RBFOX1: variants seen among roughly 807,000 people sequenced by gnomAD.
The protein encoded by RBFOX1 is RNA binding fox-1 homolog 1.
In RBFOX1, 8 loss-of-function variants were observed where a neutral mutation model predicts 57.7. The ratio of observed to expected loss-of-function variants is 0.14; its 90% CI spans 0.08 to 0.25. The LOEUF (loss-of-function observed/expected upper bound fraction) is 0.25. RBFOX1 is among the 10% of genes least tolerant of loss of function. RBFOX1 has a pLI of 1.00. For missense variants in RBFOX1, 611 were observed against 548.5 expected (o/e 1.11, Z -1.14); for synonymous variants, 326 against 222.4 (o/e 1.47, Z -4.15).
At chr16:7,516,057 C>G (rs929196529) in intron 4 of RBFOX1, among the ~76,000 whole-genome samples, 2 of 152,178 alleles carry the variant, frequency 1.3e-5, no homozygotes, top group Non-Finnish European at 2.9e-5. Flanking sequence ...GTTGCCCAGT[C>G]TGGTCTCGAA....
At chr16:7,262,506 C>G (rs191394372) in intron 4 of RBFOX1, among the ~76,000 whole-genome samples, 19 of 152,362 alleles carry the variant, frequency 1.2e-4, no homozygotes, top group Admixed American at 1.1e-3. Flanking sequence ...AGAGTTATTC[C>G]TACTGCAATG....
chr16:5,979,904 A>G (rs535712672), intron 4 of RBFOX1, among the ~76,000 whole-genome samples: 11 of 152,308 alleles, frequency 7.2e-5, no homozygotes, highest in African/African-American at 1.9e-4. Context: ...GCAAGAGGTT[A>G]AATTGCTTCC....
At chr16:7,233,293 C>T (rs139355639) in intron 4 of RBFOX1, among the ~76,000 whole-genome samples, 3 of 152,082 alleles carry the variant, frequency 2.0e-5, no homozygotes, top group Non-Finnish European at 4.4e-5. Flanking sequence ...TGAAAAGTCA[C>T]CTCTTCAAAG....
intron 2 of RBFOX1, among the ~76,000 whole-genome samples, chr16:5,536,483 G>A (rs2044702508): frequency 6.6e-6 from 1 of 152,054 alleles, no homozygotes; most frequent in Non-Finnish European, 1.5e-5. Context: ...TGATCTGTCT[G>A]CCTTGGCCTC....
intron 1 of RBFOX1, among the ~76,000 whole-genome samples, chr16:6,150,264 A>G (rs2096788301): frequency 6.6e-6 from 1 of 152,144 alleles, no homozygotes; most frequent in African/African-American, 2.4e-5. Context: ...GGATTAACAG[A>G]ATCCCCAGGA....
intron 3 of RBFOX1, among the ~76,000 whole-genome samples, chr16:6,939,838 A>G (rs2078044326): frequency 1.3e-5 from 2 of 152,214 alleles, no homozygotes; most frequent in South Asian, 2.1e-4. Context: ...AGGGTATCAT[A>G]TAGCTGGTGG....
chr16:7,009,570 C>G (rs577293661), intron 3 of RBFOX1, among the ~76,000 whole-genome samples: 1 of 152,036 alleles, frequency 6.6e-6, no homozygotes, highest in Non-Finnish European at 1.5e-5. Context: ...AATGAAAGTG[C>G]AGCAGTAACG....
At chr16:5,859,078 G>T (rs1479862256) in intron 3 of RBFOX1, among the ~76,000 whole-genome samples, 1 of 152,184 alleles carries the variant, frequency 6.6e-6, no homozygotes, top group Non-Finnish European at 1.5e-5. Context: ...GATTGTGGGT[G>T]CCTGTGGTCC....
In RBFOX1 at chr16:7,670,577, T is replaced by C. The variant is rs552491649; in HGVS notation, c.930+5609T>C. Among the ~76,000 whole-genome samples the C allele has an allele frequency of 3.3e-5, 5 of 152,066 alleles. No homozygotes were observed. The South Asian group carries it at 8.3e-4, about 25-fold the overall frequency. The stretch of plus-strand genomic sequence containing the variant: ...CTGAGAATAATATTTGTACTGGAAA[T>C]ATTCAAGTAAGCAGTGAACTAGGAG... On this transcript the variant is annotated intron_variant, in intron 13 of 15. Coordinates refer to ENST00000550418, the MANE Select transcript of RBFOX1 (RefSeq NM_018723.4).
intron 2 of RBFOX1, among the ~76,000 whole-genome samples, chr16:6,364,358 CTCTT>C (rs1019743851): frequency 5.9e-5 from 9 of 152,058 alleles, no homozygotes; most frequent in Non-Finnish European, 8.8e-5. Context: ...TCTCCTCTTC[CTCTT>C]TCTTTCTTTC....
chr16:6,483,998 G>A (rs1597922288), intron 2 of RBFOX1: 1 of 984,160 alleles, frequency 1.0e-6, no homozygotes. Context: ...GGGGTGGTCT[G>A]GACACTTGGA....
At chr16:6,658,774 T>G (rs981494481) in intron 3 of RBFOX1, among the ~76,000 whole-genome samples, 2 of 152,106 alleles carry the variant, frequency 1.3e-5, no homozygotes, top group African/African-American at 4.8e-5. Flanking sequence ...GCCCGCCAAT[T>G]AGCAGAGCCC....
At chr16:7,708,455 C>G (rs892445363) in intron 14 of RBFOX1, among the ~76,000 whole-genome samples, 1 of 152,048 alleles carries the variant, frequency 6.6e-6, no homozygotes, top group African/African-American at 2.4e-5. Context: ...ATTAATGTGA[C>G]AGAAGTTCTG....
chr16:6,958,293 C>G (rs1276031714), intron 3 of RBFOX1, among the ~76,000 whole-genome samples: 1 of 152,142 alleles, frequency 6.6e-6, no homozygotes, highest in African/African-American at 2.4e-5. Context: ...GGCAATTATT[C>G]CAACACACTC....
chr16:5,714,405 A>G (rs2051610472), intron 3 of RBFOX1, among the ~76,000 whole-genome samples: 1 of 152,202 alleles, frequency 6.6e-6, no homozygotes, highest in Admixed American at 6.5e-5. Flanking sequence ...CTGGAAATGG[A>G]TACAGAGAAC....
At chr16:6,601,423 G>C (rs553186619) in intron 2 of RBFOX1, among the ~76,000 whole-genome samples, 1 of 152,126 alleles carries the variant, frequency 6.6e-6, no homozygotes, top group Non-Finnish European at 1.5e-5. Context: ...GACTCCGGGA[G>C]AGTCCTAAAA....
chr16:7,044,924 C>G (rs1391398090), intron 3 of RBFOX1, among the ~76,000 whole-genome samples: 1 of 152,162 alleles, frequency 6.6e-6, no homozygotes, highest in Non-Finnish European at 1.5e-5. Flanking sequence ...TCATTAGTTG[C>G]AGCAATAACT....
chr16:7,378,202 T>C lies in RBFOX1; in HGVS notation c.28-139945T>C, dbSNP rs145013745. On this transcript the variant is annotated intron_variant, in intron 4 of 15. Coordinates refer to ENST00000550418, the MANE Select transcript of RBFOX1 (RefSeq NM_018723.4). ...TGCTGAGCCGGAAGTTGTTATGTTA[T>C]GCAGGAAGCTGCGATGAGTGTGTAC... Among the ~76,000 whole-genome samples the C allele has an allele frequency of 9.6e-3, 1,458 of 152,314 alleles. 43 individuals carry two copies. Among genetic ancestry groups the C allele is most frequent in the South Asian group, 0.092 (444 of 4,826 alleles).
chr16:6,745,391 G>A (rs2073343539), intron 3 of RBFOX1, among the ~76,000 whole-genome samples: 1 of 152,138 alleles, frequency 6.6e-6, no homozygotes, highest in Admixed American at 6.5e-5. Context: ...GAATACCTAT[G>A]TGAAAATTCT....
Sources: gnomAD v4.1 joint callset for allele counts (sites outside exome capture counted in the v4.1 genomes callset) on GRCh38, gnomAD v4.1.1 for gene constraint, MANE v1.5 for transcripts, NCBI Gene and HGNC (gene_info 2026-07-23, HGNC 2026-07-21) for gene names.